The following UBE2G1 variants were observed in gnomAD, a reference collection of about 807,000 sequenced individuals.
UBE2G1 encodes ubiquitin-conjugating enzyme E2 G1.
A neutral mutation model predicts 22.7 loss-of-function variants in UBE2G1; 5 were observed. The observed-to-expected ratio is 0.22, with a 90% CI of 0.12 to 0.46. The LOEUF (loss-of-function observed/expected upper bound fraction) is 0.46. Among genes scored for constraint, UBE2G1 ranks in the 20% least tolerant of loss-of-function variants. The pLI, the probability that UBE2G1 is intolerant of heterozygous loss-of-function variation, is 0.99. For synonymous variants in UBE2G1, 74 were observed against 67.5 expected (o/e 1.10, Z -0.47); for missense variants, 88 against 203.9 (o/e 0.43, Z 3.46).
intron 1 of UBE2G1, among the ~76,000 whole-genome samples, chr17:4,349,061 G>A (rs546308989): frequency 5.3e-5 from 8 of 151,890 alleles, no homozygotes; most frequent in Admixed American, 1.3e-4. Flanking sequence ...GGTGGCTCAC[G>A]CCTGTAATCT....
intron 5 of UBE2G1, among the ~76,000 whole-genome samples, chr17:4,279,044 G>T (rs140512002): frequency 5.9e-5 from 9 of 152,266 alleles, no homozygotes; most frequent in African/African-American, 2.2e-4. Context: ...AGAGGCCAAG[G>T]CAGGTGGATC....
At chr17:4,358,366 A>C (rs1014269468) in intron 1 of UBE2G1, among the ~76,000 whole-genome samples, 2 of 152,048 alleles carry the variant, frequency 1.3e-5, no homozygotes, top group African/African-American at 4.8e-5. Context: ...CCCCATCTCA[A>C]GCGATGCTCC....
intron 1 of UBE2G1, among the ~76,000 whole-genome samples, chr17:4,350,566 T>G (rs990647659): frequency 3.3e-5 from 5 of 152,062 alleles, no homozygotes; most frequent in Admixed American, 6.6e-5. Flanking sequence ...CTGAACAGTG[T>G]CAGTCTCCAA....
intron 1 of UBE2G1, among the ~76,000 whole-genome samples, chr17:4,318,125 T>C (rs1171310309): frequency 5.3e-5 from 8 of 152,176 alleles, no homozygotes; most frequent in Admixed American, 2.6e-4. Flanking sequence ...CTTGGTAACG[T>C]TGCAACACGG....
intron 1 of UBE2G1, among the ~76,000 whole-genome samples, chr17:4,353,460 T>TACACACAC (rs1210270667): frequency 1.2e-4 from 16 of 133,404 alleles, no homozygotes; most frequent in African/African-American, 4.7e-4. Flanking sequence ...TATATATATA[T>TACACACAC]ATACACACAC....
At chr17:4,332,163 CTT>C (rs1376399164) in intron 1 of UBE2G1, among the ~76,000 whole-genome samples, 1 of 151,896 alleles carries the variant, frequency 6.6e-6, no homozygotes, top group Non-Finnish European at 1.5e-5. Flanking sequence ...AGTTTTTATT[CTT>C]TTTTTATTTT....
chr17:4,282,639 C>G (rs1166985678), intron 5 of UBE2G1, among the ~76,000 whole-genome samples, 159 bp downstream of exon 5: 1 of 152,038 alleles, frequency 6.6e-6, no homozygotes, highest in African/African-American at 2.4e-5. Context: ...GAAAAGCAAG[C>G]AGATTATACA....
intron 2 of UBE2G1, among the ~76,000 whole-genome samples, chr17:4,305,207 C>A: frequency 6.6e-6 from 1 of 152,218 alleles, no homozygotes; most frequent in East Asian, 1.9e-4. Context: ...CTGCCCACCT[C>A]GGCCTCGTGA....
In UBE2G1 at chr17:4,366,456, C is replaced by A; in HGVS notation, c.-140G>T. 1.3e-6 allele frequency: 1 copy of A among 759,848 alleles called. No individual in the cohort carries two copies. Among genetic ancestry groups the A allele is most frequent in the Non-Finnish European group, 1.9e-6 (1 of 535,344 alleles). 47.1% of individuals were successfully genotyped at this position (759,848 alleles called of 1,614,324 possible). ...GGAGCCGAGGAAGGCCGGGCTGAGG[C>A]GGCGGGAGCGGCGCCTCGCTGCCGG... is the stretch of plus-strand genomic sequence containing the variant. On this transcript the variant is annotated 5_prime_UTR_variant, in exon 1 of 6. Transcript: ENST00000396981.
chr17:4,332,251 T>C (rs1199295030), intron 1 of UBE2G1, among the ~76,000 whole-genome samples: 1 of 152,134 alleles, frequency 6.6e-6, no homozygotes, highest in East Asian at 1.9e-4. Flanking sequence ...CTATATTCTA[T>C]TTGGCAGTGT....
At chr17:4,358,397 C>G (rs1017606568) in intron 1 of UBE2G1, among the ~76,000 whole-genome samples, 6 of 152,012 alleles carry the variant, frequency 3.9e-5, no homozygotes, top group African/African-American at 1.5e-4. Flanking sequence ...TCCCTAGTAG[C>G]TGAAACTACA....
chr17:4,293,287 T>C (rs57273688), intron 3 of UBE2G1, among the ~76,000 whole-genome samples: 32 of 152,366 alleles, frequency 2.1e-4, no homozygotes, highest in Non-Finnish European at 4.1e-4. Context: ...GTTTCCAAGG[T>C]TCATCTATGT....
intron 1 of UBE2G1, among the ~76,000 whole-genome samples, chr17:4,358,877 G>A (rs908631255): frequency 1.3e-5 from 2 of 152,026 alleles, no homozygotes; most frequent in African/African-American, 4.8e-5. Context: ...CTTGAACCCA[G>A]GTGGCAAGAA....
chr17:4,324,815 C>T (rs754561645), intron 1 of UBE2G1, among the ~76,000 whole-genome samples: 25 of 152,116 alleles, frequency 1.6e-4, no homozygotes, highest in Non-Finnish European at 3.4e-4. Context: ...CGGTGGCTCA[C>T]GCCCGTAATC....
At chr17:4,363,760 G>C (rs1969995591) in intron 1 of UBE2G1, among the ~76,000 whole-genome samples, 1 of 150,530 alleles carries the variant, frequency 6.6e-6, no homozygotes, top group South Asian at 2.1e-4. Context: ...AGACCATCCT[G>C]GCTAACACAG....
At chr17:4,350,655 C>A (rs898630822) in intron 1 of UBE2G1, among the ~76,000 whole-genome samples, 2 of 152,152 alleles carry the variant, frequency 1.3e-5, no homozygotes, top group Admixed American at 6.6e-5. Flanking sequence ...TTAAATCACT[C>A]TTAGATGATG....
intron 4 of UBE2G1, among the ~76,000 whole-genome samples, chr17:4,285,347 T>C (rs1188091962): frequency 1.3e-5 from 2 of 152,130 alleles, no homozygotes; most frequent in Admixed American, 6.5e-5. Context: ...ATCAGCCTAG[T>C]ACCAATTTTC....
In UBE2G1 at chr17:4,366,634, C is replaced by G. The variant is rs915392684; in HGVS notation, c.-318G>C. On this transcript the variant is annotated 5_prime_UTR_variant, in exon 1 of 6. Coordinates refer to ENST00000396981, the MANE Select transcript of UBE2G1 (RefSeq NM_003342.5). ...CACCGGTGCCTTCCCCCGCCACTGC[C>G]TCACTGCGCGCAGGGCCGCTCGGCG... 8 of 288,248 alleles carry G rather than the reference C, an allele frequency of 2.8e-5. No individual in the cohort carries two copies. Among genetic ancestry groups the G allele is most frequent in the Non-Finnish European group, 5.2e-5 (8 of 153,842 alleles). The allele number at this position is 288,248 out of a possible 1,614,324, so 17.9% of individuals were successfully genotyped here.
At chr17:4,333,813 C>T (rs954927188) in intron 1 of UBE2G1, among the ~76,000 whole-genome samples, 16 of 151,504 alleles carry the variant, frequency 1.1e-4, no homozygotes, top group African/African-American at 2.9e-4. Context: ...AGTGAGACTC[C>T]GTCTCAAAAA....
Sources: gnomAD v4.1 joint callset for allele counts (sites outside exome capture counted in the v4.1 genomes callset) on GRCh38, gnomAD v4.1.1 for gene constraint, MANE v1.5 for transcripts, NCBI Gene and HGNC (gene_info 2026-07-23, HGNC 2026-07-21) for gene names.